Variants in PDE11A observed in about 807,000 individuals in gnomAD.
The protein encoded by PDE11A is phosphodiesterase 11A, also known as dual 3',5'-cyclic-AMP and -GMP phosphodiesterase 11A.
Under a neutral mutation model 100.5 loss-of-function variants are expected in PDE11A, and 100 were observed. That is an observed-to-expected ratio of 1.00 (90% CI 0.85 to 1.18). The LOEUF is 1.18. PDE11A is among the 50% of genes most tolerant of loss of function. PDE11A has a pLI of 0.00. For synonymous variants in PDE11A, 381 were observed against 420.8 expected (o/e 0.91, Z 1.16); for missense variants, 1,141 against 1,152.6 (o/e 0.99, Z 0.15).
intron 19 of PDE11A, among the ~76,000 whole-genome samples, chr2:177,656,784 C>G (rs558246185): frequency 6.6e-6 from 1 of 152,336 alleles, no homozygotes; most frequent in East Asian, 1.9e-4. Context: ...ACAGAAGTCA[C>G]AGCTTGGGCT....
intron 1 of PDE11A, among the ~76,000 whole-genome samples, chr2:178,051,956 A>G (rs1204751534): frequency 6.6e-6 from 1 of 152,152 alleles, no homozygotes; most frequent in Non-Finnish European, 1.5e-5. Context: ...CAGATCAACG[A>G]GACAGAAAGT....
At chr2:177,644,379 C>T (rs1033313333) in intron 19 of PDE11A, among the ~76,000 whole-genome samples, 5 of 152,202 alleles carry the variant, frequency 3.3e-5, no homozygotes, top group African/African-American at 7.2e-5. Context: ...GAGATAATTT[C>T]GGAACTTGAA....
chr2:177,879,284 T>A (rs2084292181), intron 4 of PDE11A, among the ~76,000 whole-genome samples: 1 of 152,230 alleles, frequency 6.6e-6, no homozygotes, highest in Non-Finnish European at 1.5e-5. Context: ...TCTAGCAATC[T>A]TATGCTGGCA....
At chr2:178,046,693 CAGTT>C (rs1293777374) in intron 1 of PDE11A, among the ~76,000 whole-genome samples, 1 of 152,118 alleles carries the variant, frequency 6.6e-6, no homozygotes, top group African/African-American at 2.4e-5. Flanking sequence ...CTGAGGTAGT[CAGTT>C]CATCTTGAGT....
At chr2:177,675,262 T>TAA (rs11378638) in intron 17 of PDE11A, among the ~76,000 whole-genome samples, 193 bp downstream of exon 17, 3,228 of 139,088 alleles carry the variant, frequency 0.023, 65 homozygotes, top group Non-Finnish European at 0.034. Context: ...GAAAGCACGA[T>TAA]AAAAAAAAAA....
chr2:178,037,415 C>A (rs1335120820), intron 1 of PDE11A, among the ~76,000 whole-genome samples: 11 of 152,002 alleles, frequency 7.2e-5, no homozygotes, highest in Admixed American at 7.2e-4. Flanking sequence ...ACGTTTACAC[C>A]ATTGGTGGGA....
At chr2:178,088,372 T>C (rs2087384080) in intron 2 of PDE11A, among the ~76,000 whole-genome samples, 1 of 152,344 alleles carries the variant, frequency 6.6e-6, no homozygotes, top group East Asian at 1.9e-4. Context: ...AAGGGTTCAA[T>C]TCAAAAAATT....
chr2:177,934,182 T>C (rs2085244635), intron 2 of PDE11A, among the ~76,000 whole-genome samples: 1 of 151,892 alleles, frequency 6.6e-6, no homozygotes, highest in Non-Finnish European at 1.5e-5. Flanking sequence ...AAAGAAACCA[T>C]CAACAGAGTA....
At chr2:177,778,875 A>T (rs1437266424) in intron 9 of PDE11A, among the ~76,000 whole-genome samples, 1 of 152,238 alleles carries the variant, frequency 6.6e-6, no homozygotes, top group East Asian at 1.9e-4. Flanking sequence ...TACTTCAGAT[A>T]ACTGTGTCTG....
intron 19 of PDE11A, among the ~76,000 whole-genome samples, chr2:177,638,597 A>T (rs781072257): frequency 3.2e-4 from 48 of 152,028 alleles, no homozygotes; most frequent in Non-Finnish European, 5.6e-4. Flanking sequence ...TGGGTGATGG[A>T]TTTTTTTTCC....
intron 19 of PDE11A, among the ~76,000 whole-genome samples, chr2:177,644,579 C>A (rs929248398): frequency 6.6e-6 from 1 of 152,178 alleles, no homozygotes; most frequent in African/African-American, 2.4e-5. Context: ...TCAGATGAGA[C>A]TTTGGACTGT....
chr2:178,070,515 C>G (rs1170516631), intron 1 of PDE11A, among the ~76,000 whole-genome samples: 1 of 152,190 alleles, frequency 6.6e-6, no homozygotes, highest in African/African-American at 2.4e-5. Context: ...TAAAACTTTC[C>G]TAACCAAGGA....
Position 177,980,156 on chromosome 2 carries a change from T to TAA in PDE11A, c.1071+34144_1071+34145dup, listed in dbSNP as rs779566347. Among the ~76,000 whole-genome samples the TAA allele has an allele frequency of 4.2e-5, 6 of 143,466 alleles. No homozygotes were observed. In the South Asian group the frequency reaches 6.9e-4, roughly 17 times the overall value. 94.1% of individuals were successfully genotyped at this position (143,466 alleles called of 152,430 possible). A position where few individuals can be genotyped will look rare whatever the true frequency, so the allele number is the denominator to read the frequency against. ...GACCAATAAGTAGAAAGTGACATCC[T>TAA]AAAAAAAAAACGAAGAATACCAGCT... On this transcript the variant is annotated intron_variant, in intron 2 of 19. Coordinates refer to ENST00000286063, the MANE Select transcript of PDE11A (RefSeq NM_016953.4).
chr2:177,977,706 A>ACCAT (rs2085827866), intron 2 of PDE11A, among the ~76,000 whole-genome samples: 2 of 142,498 alleles, frequency 1.4e-5, no homozygotes, highest in South Asian at 4.8e-4. Context: ...AGGCTACAGT[A>ACCAT]ACCAAAACAG....
At chr2:177,670,159 G>C (rs1559135616) in intron 17 of PDE11A, among the ~76,000 whole-genome samples, 1 of 152,144 alleles carries the variant, frequency 6.6e-6, no homozygotes, top group Non-Finnish European at 1.5e-5. Context: ...GTTCATAGCA[G>C]ACTTTTACAG....
At chr2:177,793,664 G>A (rs1172018176) in intron 9 of PDE11A, among the ~76,000 whole-genome samples, 1 of 152,046 alleles carries the variant, frequency 6.6e-6, no homozygotes, top group Non-Finnish European at 1.5e-5. Context: ...CAAAAAGGAG[G>A]AGGAAAGGGC....
chr2:177,682,105 A>G (rs1349440426), intron 15 of PDE11A, among the ~76,000 whole-genome samples: 1 of 152,146 alleles, frequency 6.6e-6, no homozygotes, highest in Admixed American at 6.5e-5. Flanking sequence ...CATCTGCATA[A>G]CAAAAACATT....
intron 2 of PDE11A, among the ~76,000 whole-genome samples, chr2:177,936,853 G>A (rs2105768659): frequency 6.6e-6 from 1 of 152,038 alleles, no homozygotes; most frequent in African/African-American, 2.4e-5. Flanking sequence ...CCCAAGAGGT[G>A]GGAGGTTGCA....
At chr2:177,888,194 G>T (rs1274330506) in intron 4 of PDE11A, among the ~76,000 whole-genome samples, 1 of 152,190 alleles carries the variant, frequency 6.6e-6, no homozygotes, top group African/African-American at 2.4e-5. Flanking sequence ...GAATAAGCAA[G>T]CCAGTTTTAA....
Sources: gnomAD v4.1 joint callset for allele counts (sites outside exome capture counted in the v4.1 genomes callset) on GRCh38, gnomAD v4.1.1 for gene constraint, MANE v1.5 for transcripts, NCBI Gene and HGNC (gene_info 2026-07-23, HGNC 2026-07-21) for gene names.